Variants in NHS observed in about 807,000 individuals in gnomAD.
NHS encodes NHS actin remodeling regulator.
In NHS, 5 loss-of-function variants were observed where a neutral mutation model predicts 72.5. That is an observed-to-expected ratio of 0.07 (90% CI 0.04 to 0.14). The LOEUF is 0.14. Ranked by LOEUF, NHS falls within the 10% of genes least tolerant of loss-of-function variation. The probability of loss-of-function intolerance (pLI) is 1.00; values close to 1 mark genes in which losing one functional copy is unlikely to be tolerated. For missense variants in NHS, 1,072 were observed against 1,355.7 expected (o/e 0.79, Z 3.29); for synonymous variants, 464 against 547.7 (o/e 0.85, Z 2.13).
chrX:17,635,374 G>T (rs1183188409), intron 1 of NHS: 13 of 1,133,324 alleles, frequency 1.1e-5, no homozygotes, highest in Non-Finnish European at 1.5e-5. Flanking sequence ...CTCCAGGGGG[G>T]AGTCCTAGAT....
chrX:17,597,116 G>GTTTTTTT (rs59820959), intron 1 of NHS, among the ~76,000 whole-genome samples: 3 of 83,297 alleles, frequency 3.6e-5, no homozygotes, highest in Non-Finnish European at 4.5e-5. Context: ...CTATTCTTCC[G>GTTTTTTT]TTTTTTTTTT....
intron 1 of NHS, among the ~76,000 whole-genome samples, chrX:17,659,480 A>G (rs1385854173): frequency 8.9e-6 from 1 of 111,942 alleles, no homozygotes; most frequent in Admixed American, 9.5e-5. Flanking sequence ...ATTTATAGAT[A>G]ACTTTCCCCA....
chrX:17,578,471 AT>A (rs1038768291), intron 1 of NHS, among the ~76,000 whole-genome samples: 2 of 111,928 alleles, frequency 1.8e-5, no homozygotes, highest in African/African-American at 6.5e-5. Context: ...AGGTTAAGTG[AT>A]CTTGAGGAAG....
At chrX:17,533,560 C>T (rs761814040) in intron 1 of NHS, among the ~76,000 whole-genome samples, 150 of 112,114 alleles carry the variant, frequency 1.3e-3, no homozygotes, top group African/African-American at 4.7e-3. Flanking sequence ...GCTGGGATTA[C>T]AGGTGTGAAC....
chrX:17,530,943 G>A (rs1282885184), intron 1 of NHS, among the ~76,000 whole-genome samples: 3 of 111,429 alleles, frequency 2.7e-5, no homozygotes, highest in Middle Eastern at 4.6e-3. Context: ...AATTTCAGGC[G>A]GGAGCCACCC....
At chrX:17,498,361 C>A (rs1466255223) in intron 1 of NHS, among the ~76,000 whole-genome samples, 2 of 111,087 alleles carry the variant, frequency 1.8e-5, no homozygotes, top group Non-Finnish European at 3.8e-5. Flanking sequence ...CTTCCCACAC[C>A]TGCCTCTATC....
intron 1 of NHS, among the ~76,000 whole-genome samples, chrX:17,573,141 G>T (rs980824673): frequency 5.4e-5 from 6 of 111,261 alleles, no homozygotes; most frequent in African/African-American, 1.3e-4. Flanking sequence ...TGGTGAATCT[G>T]ACAATTATGT....
chrX:17,448,928 A>T (rs1013040629), intron 1 of NHS, among the ~76,000 whole-genome samples: 3 of 112,834 alleles, frequency 2.7e-5, no homozygotes, highest in Admixed American at 1.9e-4. Context: ...TCTAATCTTT[A>T]TGAAGTACCA....
intron 3 of NHS, among the ~76,000 whole-genome samples, chrX:17,716,380 C>G (rs1237667229): frequency 8.9e-6 from 1 of 112,233 alleles, no homozygotes; most frequent in Non-Finnish European, 1.9e-5. Flanking sequence ...AAAATACTTT[C>G]ATGAGACACC....
intron 1 of NHS, among the ~76,000 whole-genome samples, chrX:17,398,545 C>T (rs898419313): frequency 8.9e-6 from 1 of 112,255 alleles, no homozygotes; most frequent in Non-Finnish European, 1.9e-5. Context: ...TTACTTAGCC[C>T]ATAATTCTAT....
chrX:17,723,763 G>GTGTGTGTGTGTC (rs2147140127), intron 5 of NHS, among the ~76,000 whole-genome samples: 1 of 98,245 alleles, frequency 1.0e-5, no homozygotes, highest in East Asian at 3.1e-4. Context: ...GTGTGTGTGT[G>GTGTGTGTGTGTC]TGTGTGTGCG....
intron 1 of NHS, among the ~76,000 whole-genome samples, chrX:17,643,368 G>C (rs2065891228): frequency 9.0e-6 from 1 of 110,951 alleles, no homozygotes; most frequent in African/African-American, 3.3e-5. Context: ...ACATGGGAGT[G>C]ATGTTTTTAG....
intron 1 of NHS, among the ~76,000 whole-genome samples, chrX:17,673,288 G>C (rs1221204175): frequency 2.8e-5 from 3 of 107,208 alleles, no homozygotes; most frequent in African/African-American, 1.0e-4. Context: ...TACATAAGAG[G>C]GTTAGGCTTC....
At chrX:17,472,323 G>C (rs947591159) in intron 1 of NHS, among the ~76,000 whole-genome samples, 7 of 110,622 alleles carry the variant, frequency 6.3e-5, no homozygotes, top group Admixed American at 1.9e-4. Flanking sequence ...GAGAGAGAGA[G>C]AGAGACAGAG....
At chrX:17,604,265 CACAT>C (rs2065667996) in intron 1 of NHS, among the ~76,000 whole-genome samples, 1 of 108,890 alleles carries the variant, frequency 9.2e-6, no homozygotes, top group Admixed American at 1.0e-4. Flanking sequence ...CACACACACA[CACAT>C]TAATGTGGTC....
At chrX:17,536,595 A>G (rs1189948712) in intron 1 of NHS, among the ~76,000 whole-genome samples, 1 of 112,327 alleles carries the variant, frequency 8.9e-6, no homozygotes, top group Non-Finnish European at 1.9e-5. Flanking sequence ...TTCCTGAACC[A>G]TTTGTTGTTC....
intron 1 of NHS, among the ~76,000 whole-genome samples, chrX:17,490,675 C>T (rs1031834594): frequency 9.5e-6 from 1 of 105,310 alleles, no homozygotes; most frequent in Non-Finnish European, 2.0e-5. Flanking sequence ...GACAATGGTA[C>T]CTTGATGGGG....
intron 1 of NHS, among the ~76,000 whole-genome samples, chrX:17,427,255 A>T (rs995169928): frequency 9.0e-6 from 1 of 111,557 alleles, no homozygotes; most frequent in African/African-American, 3.3e-5. Context: ...ATCCACCTTT[A>T]TGGGGTGCCT....
At chrX:17,461,470 C>A (rs2064847258) in intron 1 of NHS, among the ~76,000 whole-genome samples, 1 of 112,612 alleles carries the variant, frequency 8.9e-6, no homozygotes, top group African/African-American at 3.2e-5. Context: ...TCCTCTTAAG[C>A]TGTTTTTAAT....
Sources: gnomAD v4.1 joint callset for allele counts (sites outside exome capture counted in the v4.1 genomes callset) on GRCh38, gnomAD v4.1.1 for gene constraint, MANE v1.5 for transcripts, NCBI Gene and HGNC (gene_info 2026-07-23, HGNC 2026-07-21) for gene names.